DGKE: variants seen among roughly 807,000 people sequenced by gnomAD.
DGKE encodes the protein DAG kinase epsilon.
Under a neutral mutation model 70.0 loss-of-function variants are expected in DGKE, and 53 were observed. The ratio of observed to expected loss-of-function variants is 0.76; its 90% CI spans 0.61 to 0.95. DGKE has a LOEUF of 0.95. DGKE is among the 40% of genes least tolerant of loss of function. The probability of loss-of-function intolerance (pLI) is 0.00; values close to 1 mark genes in which losing one functional copy is unlikely to be tolerated. For missense variants in DGKE, 655 were observed against 706.9 expected, an observed-to-expected ratio of 0.93 and a Z score of 0.83; for synonymous variants, 291 against 257.0, an observed-to-expected ratio of 1.13 and a Z score of -1.27.
intron 8 of DGKE, among the ~76,000 whole-genome samples, chr17:56,857,814 C>T (rs1387743830): frequency 6.6e-6 from 1 of 152,042 alleles, no homozygotes; most frequent in Non-Finnish European, 1.5e-5. Context: ...GTGGCTCACG[C>T]CTGTAATCCC....
chr17:56,857,025 G>A (rs1022469625), intron 8 of DGKE, among the ~76,000 whole-genome samples: 8 of 151,910 alleles, frequency 5.3e-5, no homozygotes, highest in Non-Finnish European at 8.8e-5. Context: ...TTGAAACCAG[G>A]AGGCAAAAGT....
intron 7 of DGKE, among the ~76,000 whole-genome samples, chr17:56,856,254 G>A (rs1163919972): frequency 6.6e-6 from 1 of 152,126 alleles, no homozygotes; most frequent in African/African-American, 2.4e-5. Flanking sequence ...ATCAAGTAGA[G>A]CCATTCTAGA....
At chr17:56,852,900 T>C (rs1212663565) in intron 7 of DGKE, among the ~76,000 whole-genome samples, 1 of 152,222 alleles carries the variant, frequency 6.6e-6, no homozygotes, top group African/African-American at 2.4e-5. Flanking sequence ...CTGATTTTTT[T>C]GGATTTTGGA....
rs765508973 is a variant in DGKE, at chr17:56,845,747, A to G, written c.682A>G (p.Ser228Gly). 6.2e-7 allele frequency: 1 copy of G among 1,613,058 alleles called. No homozygotes were observed. Among genetic ancestry groups the G allele is most frequent in the Non-Finnish European group, 8.5e-7 (1 of 1,179,406 alleles). Residue 228 changes from serine to glycine, a missense_variant, in exon 4 of 12, where the codon AGT becomes GGT. Transcript: ENST00000284061. ...ATTAATAATCCTGGCCAACTCTCGT[A>G]GTGGAACTAATATGGGAGAAGGACT... ...TPLIILANSR[S>G]GTNMGEGLLG...
chr17:56,848,692 C>G lies in DGKE; in HGVS notation c.889-4C>G. On this transcript the variant is annotated splice_region_variant and splice_polypyrimidine_tract_variant and intron_variant, in intron 5 of 11. Coordinates refer to ENST00000284061, the MANE Select transcript of DGKE (RefSeq NM_003647.3). Reference sequence around the variant, plus strand: ...AAATCTAAAACATATCTTCCATATTCTAGGGACAAGAAAAGTACATTCCAC... The same window carrying G: ...AAATCTAAAACATATCTTCCATATTGTAGGGACAAGAAAAGTACATTCCAC... 1.2e-6 allele frequency: 2 copies of G among 1,613,378 alleles called. No individual in the cohort carries two copies. The highest frequency in any genetic ancestry group is 1.1e-5 in the South Asian group (1 of 90,962).
At chr17:56,846,742 T>G (rs1444014313) in intron 4 of DGKE, among the ~76,000 whole-genome samples, 1 of 152,184 alleles carries the variant, frequency 6.6e-6, no homozygotes, top group Non-Finnish European at 1.5e-5. Flanking sequence ...TATTATACAG[T>G]TTAAGAAAAT....
At position 56,848,847 on chromosome 17, in the gene DGKE, T is replaced by C. The variant is rs1165081063; in HGVS notation, c.1040T>C (p.Leu347Pro). The change falls in exon 6 of 12, where the codon CTA becomes CCA. Residue 347 changes from leucine (L) to proline (P), a missense_variant. Coordinates refer to ENST00000284061, the MANE Select transcript of DGKE (RefSeq NM_003647.3). ...RNVMEADGIK[L>P]DRWKVQVTNK... ...GTAATGGAAGCAGATGGAATTAAAC[T>C]AGATCGGTAAGTTACGTTTCCCCAA... is the stretch of plus-strand genomic sequence containing the variant. The C allele has an allele frequency of 6.2e-7, 1 of 1,614,144 alleles. No individual in the cohort carries two copies. Among genetic ancestry groups the C allele is most frequent in the Non-Finnish European group, 8.5e-7 (1 of 1,180,018 alleles).
At chr17:56,840,949 C>CT (rs138081419) in intron 2 of DGKE, among the ~76,000 whole-genome samples, 18,254 of 151,934 alleles carry the variant, frequency 0.12, 1,224 homozygotes, top group South Asian at 0.16. Flanking sequence ...TAGTGAGACA[C>CT]TGTCTCTTAA....
At chr17:56,850,658 A>G (rs1907593645) in intron 7 of DGKE, among the ~76,000 whole-genome samples, 1 of 152,200 alleles carries the variant, frequency 6.6e-6, no homozygotes, top group Admixed American at 6.5e-5. Context: ...AAATCCCTCT[A>G]AAATGTGCCT....
intron 7 of DGKE, among the ~76,000 whole-genome samples, chr17:56,850,329 C>T (rs1462239871): frequency 2.6e-5 from 4 of 151,844 alleles, no homozygotes; most frequent in Non-Finnish European, 5.9e-5. Context: ...GAGAGGGTCT[C>T]CCTATATTGT....
intron 7 of DGKE, among the ~76,000 whole-genome samples, chr17:56,853,412 T>C (rs565124954): frequency 6.6e-6 from 1 of 152,248 alleles, no homozygotes; most frequent in Non-Finnish European, 1.5e-5. Flanking sequence ...TACATTTTCC[T>C]TTAGTACTTT....
At chr17:56,851,575 A>G (rs1183049501) in intron 7 of DGKE, among the ~76,000 whole-genome samples, 13 of 152,210 alleles carry the variant, frequency 8.5e-5, no homozygotes, top group Admixed American at 8.5e-4. Context: ...CTGCTTTTGG[A>G]TGCAAAGTTC....
Position 56,845,672 on chromosome 17 carries a change from C to G in DGKE, c.625-18C>G. 3 of 1,600,596 alleles carry G rather than the reference C, an allele frequency of 1.9e-6. No individual in the cohort carries two copies. The highest frequency in any genetic ancestry group is 2.6e-6 in the Non-Finnish European group (3 of 1,175,268). On this transcript the variant is annotated intron_variant, in intron 3 of 11. Coordinates refer to ENST00000284061, the MANE Select transcript of DGKE (RefSeq NM_003647.3). Reference sequence around the variant, plus strand: ...CTTTAAGATACTAAACCTTTTCACTCATGGCAATTTTTTTTAGCTAGCCTC... The same window carrying G: ...CTTTAAGATACTAAACCTTTTCACTGATGGCAATTTTTTTTAGCTAGCCTC...
Position 56,856,541 on chromosome 17 carries a change from T to A in DGKE, c.1128T>A (p.Val376=). 6.2e-7 allele frequency: 1 copy of A among 1,613,760 alleles called. No homozygotes were observed. The highest frequency in any genetic ancestry group is 8.5e-7 in the Non-Finnish European group (1 of 1,179,914). ...TCACAATGAACAACTATTTTTCTGT[T>A]GGACCTGATGCTCTCATGGCTCTCA... ...KEFTMNNYFS[V]GPDALMALNF... The change falls in exon 8 of 12, where the codon GTT becomes GTA. Residue 376 remains valine, a synonymous_variant. Transcript: ENST00000284061.
At chr17:56,854,658 AAC>A (rs1273202321) in intron 7 of DGKE, among the ~76,000 whole-genome samples, 1 of 152,120 alleles carries the variant, frequency 6.6e-6, no homozygotes, top group Non-Finnish European at 1.5e-5. Flanking sequence ...ATAAATGATA[AAC>A]ATTTGAGGTG....
chr17:56,840,370 T>C (rs1906898636), intron 2 of DGKE, among the ~76,000 whole-genome samples: 1 of 150,366 alleles, frequency 6.7e-6, no homozygotes, highest in South Asian at 2.1e-4. Context: ...TTTGTTTTGT[T>C]GTTGTTGTTG....
intron 5 of DGKE, 50 bp downstream of exon 5, chr17:56,848,115 T>TATAC (rs1555599223): frequency 1.3e-6 from 1 of 768,062 alleles, no homozygotes; most frequent in Non-Finnish European, 1.7e-6. Context: ...ATAAATATAC[T>TATAC]ATACATATAT....
intron 2 of DGKE, chr17:56,835,590 A>G (rs1394162371): frequency 1.8e-5 from 7 of 398,220 alleles, no homozygotes. Flanking sequence ...TTATCTCCTT[A>G]TTTTAAATAA....
At position 56,868,492 on chromosome 17, in the gene DGKE, C is replaced by G. The variant is rs1227453779; in HGVS notation, c.*5701C>G. The G allele has an allele frequency of 1.3e-5, 2 of 152,292 alleles. No individual in the cohort carries two copies. Among genetic ancestry groups the G allele is most frequent in the African/African-American group, 4.8e-5 (2 of 41,456 alleles). 9.4% of individuals were successfully genotyped at this position (152,292 alleles called of 1,614,324 possible). ...GTGATGACTCCACTTGCTCAGCCAG[C>G]TGGCCTCTTGCACTTTCCCCTGCCC... On this transcript the variant is annotated 3_prime_UTR_variant, in exon 12 of 12. Transcript: ENST00000284061.
Sources: allele counts gnomAD v4.1 joint callset (sites outside exome capture counted in the v4.1 genomes callset), GRCh38; gene constraint gnomAD v4.1.1; transcripts MANE v1.5; gene names NCBI Gene and HGNC (gene_info 2026-07-23, HGNC 2026-07-21).